OXR1: variants seen among roughly 807,000 people sequenced by gnomAD.
The protein encoded by OXR1 is oxidation resistance 1.
A neutral mutation model predicts 104.6 loss-of-function variants in OXR1; 41 were observed. The ratio of observed to expected loss-of-function variants is 0.39; its 90% CI spans 0.31 to 0.51. The LOEUF (loss-of-function observed/expected upper bound fraction) is 0.51. Ranked by LOEUF, OXR1 falls within the 20% of genes least tolerant of loss-of-function variation. The probability of loss-of-function intolerance (pLI) is 0.77; values close to 1 mark genes in which losing one functional copy is unlikely to be tolerated. For missense variants in OXR1, 955 were observed against 1,031.9 expected (o/e 0.93, Z 1.02); for synonymous variants, 348 against 348.4 (o/e 1.00, Z 0.01).
chr8:106,694,023 C>T (rs1448197761), intron 7 of OXR1, among the ~76,000 whole-genome samples: 1 of 151,768 alleles, frequency 6.6e-6, no homozygotes, highest in Non-Finnish European at 1.5e-5. Context: ...AAAATATTTT[C>T]TCTTGATTTC....
At chr8:106,363,487 A>G (rs1178439808) in intron 2 of OXR1, among the ~76,000 whole-genome samples, 1 of 152,170 alleles carries the variant, frequency 6.6e-6, no homozygotes, top group Non-Finnish European at 1.5e-5. Context: ...ACTAAAAATG[A>G]CCTAAATCTT....
intron 7 of OXR1, chr8:106,697,808 G>A (rs1830203776): frequency 1.9e-6 from 3 of 1,612,234 alleles, no homozygotes; most frequent in South Asian, 1.1e-5. Context: ...TTGGGGTACA[G>A]TGCATTATTG....
chr8:106,628,638 T>C (rs1822385121), intron 3 of OXR1, among the ~76,000 whole-genome samples: 1 of 152,218 alleles, frequency 6.6e-6, no homozygotes, highest in African/African-American at 2.4e-5. Flanking sequence ...TTGCTTTCCT[T>C]GCCCTCCAAG....
At chr8:106,521,796 G>A (rs147333378) in intron 3 of OXR1, among the ~76,000 whole-genome samples, 3 of 152,270 alleles carry the variant, frequency 2.0e-5, no homozygotes, top group African/African-American at 4.8e-5. Context: ...ACAGGCATGA[G>A]CCACTACTCC....
chr8:106,536,210 ACTCTGT>A (rs1814517279), intron 3 of OXR1, among the ~76,000 whole-genome samples: 1 of 140,766 alleles, frequency 7.1e-6, no homozygotes, highest in Non-Finnish European at 1.5e-5. Flanking sequence ...ACAGAGCAAG[ACTCTGT>A]CTCAAAAAAA....
intron 3 of OXR1, among the ~76,000 whole-genome samples, chr8:106,648,406 A>G (rs1005521613): frequency 6.6e-6 from 1 of 152,164 alleles, no homozygotes; most frequent in African/African-American, 2.4e-5. Context: ...TTACAAACCA[A>G]TGTTTTTGTT....
chr8:106,323,450 A>G (rs1249147082), intron 1 of OXR1, among the ~76,000 whole-genome samples: 2 of 152,170 alleles, frequency 1.3e-5, no homozygotes, highest in Non-Finnish European at 2.9e-5. Flanking sequence ...CATAGGAGCA[A>G]GCAAAGATTT....
intron 1 of OXR1, among the ~76,000 whole-genome samples, chr8:106,306,614 T>C (rs1478509078): frequency 6.6e-6 from 1 of 152,192 alleles, no homozygotes; most frequent in Non-Finnish European, 1.5e-5. Context: ...TGTACTGTTA[T>C]ACACAAAAAC....
chr8:106,641,708 CT>C (rs1472632460), intron 3 of OXR1, among the ~76,000 whole-genome samples: 20 of 152,106 alleles, frequency 1.3e-4, no homozygotes, highest in African/African-American at 4.3e-4. Context: ...GTTTTCTGAG[CT>C]TAGTTCTTAG....
At chr8:106,362,222 C>A (rs149818392) in intron 2 of OXR1, among the ~76,000 whole-genome samples, 137 of 152,272 alleles carry the variant, frequency 9.0e-4, no homozygotes, top group African/African-American at 3.0e-3. Flanking sequence ...AAACTTCCTG[C>A]AATCTGTGAA....
chr8:106,417,716 G>T (rs549985257), intron 2 of OXR1, among the ~76,000 whole-genome samples: 1 of 152,132 alleles, frequency 6.6e-6, no homozygotes, highest in African/African-American at 2.4e-5. Flanking sequence ...CATTCATACA[G>T]TGTTACTACT....
intron 2 of OXR1, among the ~76,000 whole-genome samples, chr8:106,494,014 C>G (rs1811264984): frequency 6.6e-6 from 1 of 152,142 alleles, no homozygotes; most frequent in African/African-American, 2.4e-5. Context: ...CTTGCATAGT[C>G]ATTATGAGAT....
chr8:106,338,389 C>A (rs1243589528), intron 1 of OXR1, among the ~76,000 whole-genome samples: 1 of 151,894 alleles, frequency 6.6e-6, no homozygotes, highest in African/African-American at 2.4e-5. Context: ...ATGGTGAAAC[C>A]TAGTCTCTAC....
chr8:106,434,133 AT>A (rs1819474803), intron 2 of OXR1, among the ~76,000 whole-genome samples: 1 of 103,972 alleles, frequency 9.6e-6, no homozygotes, highest in African/African-American at 8.3e-5. Flanking sequence ...AATTATGAAT[AT>A]TTTCTCCTAA....
At chr8:106,664,444 T>G (rs765423087) in intron 3 of OXR1, among the ~76,000 whole-genome samples, 1 of 152,226 alleles carries the variant, frequency 6.6e-6, no homozygotes, top group Non-Finnish European at 1.5e-5. Context: ...AAGTCTTTTA[T>G]CCATGGGAAG....
intron 2 of OXR1, among the ~76,000 whole-genome samples, chr8:106,378,361 G>A (rs1039514367): frequency 6.6e-6 from 1 of 152,252 alleles, no homozygotes; most frequent in Admixed American, 6.5e-5. Context: ...TGTGGCTTAG[G>A]AACTGGAAAC....
intron 1 of OXR1, among the ~76,000 whole-genome samples, chr8:106,299,292 G>C (rs1813133674): frequency 6.6e-6 from 1 of 150,862 alleles, no homozygotes; most frequent in African/African-American, 2.4e-5. Context: ...CTGCTCACAT[G>C]AATCAATTCT....
chr8:106,659,789 G>A lies in OXR1; in HGVS notation c.221-19421G>A, dbSNP rs1825568285. ...GCGGGAAGATCCTTTGAGCCCAGGAGGAGAATCCAGACTGGGCAGCAGAGA... is the reference window on the plus strand; with the variant it reads ...GCGGGAAGATCCTTTGAGCCCAGGAAGAGAATCCAGACTGGGCAGCAGAGA... On this transcript the variant is annotated intron_variant, in intron 3 of 16. Coordinates refer to ENST00000517566, the MANE Select transcript of OXR1 (RefSeq NM_001198533.2). Among the ~76,000 whole-genome samples the A allele has an allele frequency of 1.3e-5, 2 of 152,214 alleles. 1 individual carries two copies. The highest frequency in any genetic ancestry group is 4.8e-5 in the African/African-American group (2 of 41,444).
At chr8:106,325,625 A>C (rs1814439391) in intron 1 of OXR1, among the ~76,000 whole-genome samples, 1 of 152,154 alleles carries the variant, frequency 6.6e-6, no homozygotes, top group Non-Finnish European at 1.5e-5. Context: ...GTGATTCTTT[A>C]CCACTCTTGT....
Sources: gnomAD v4.1 joint callset for allele counts (sites outside exome capture counted in the v4.1 genomes callset) on GRCh38, gnomAD v4.1.1 for gene constraint, MANE v1.5 for transcripts, NCBI Gene and HGNC (gene_info 2026-07-23, HGNC 2026-07-21) for gene names.